CSMD1: variants seen among roughly 807,000 people sequenced by gnomAD.
CSMD1 encodes CUB and sushi domain-containing protein 1.
A neutral mutation model predicts 417.5 loss-of-function variants in CSMD1; 213 were observed. The observed-to-expected ratio is 0.51, with a 90% confidence interval of 0.46 to 0.57. CSMD1 has a LOEUF of 0.57. CSMD1 is among the 20% of genes least tolerant of loss of function. CSMD1 has a pLI of 0.00. For synonymous variants in CSMD1, 2,862 were observed against 1,736.8 expected (o/e 1.65, Z -16.11); for missense variants, 6,923 against 4,529.7 (o/e 1.53, Z -15.17).
chr8:4,994,597 G>C lies in CSMD1; in HGVS notation c.-181C>G. ...GCGCCCGGCTCGCTTCCCTCTCATA[G>C]CATCGGGTCCCGAGCCACTGCAGGG... On this transcript the variant is annotated 5_prime_UTR_variant, in exon 1 of 70. Transcript: ENST00000635120. 1.6e-6 allele frequency: 1 copy of C among 610,584 alleles called. No homozygotes were observed. 37.8% of individuals were successfully genotyped at this position (610,584 alleles called of 1,614,324 possible).
chr8:3,691,830 TGAAA>T (rs1353130293), intron 7 of CSMD1, among the ~76,000 whole-genome samples: 1 of 152,218 alleles, frequency 6.6e-6, no homozygotes, highest in Non-Finnish European at 1.5e-5. Flanking sequence ...AAAAATATGA[TGAAA>T]GAGAGTCTGT....
chr8:3,048,447 G>A (rs985843516), intron 50 of CSMD1, among the ~76,000 whole-genome samples: 1 of 152,104 alleles, frequency 6.6e-6, no homozygotes, highest in African/African-American at 2.4e-5. Flanking sequence ...TCTAGTCAAT[G>A]AACTTCGAGC....
At chr8:3,874,376 G>C (rs1220247187) in intron 5 of CSMD1, among the ~76,000 whole-genome samples, 2 of 152,318 alleles carry the variant, frequency 1.3e-5, no homozygotes, top group Admixed American at 1.3e-4. Context: ...ACTCTTTAAA[G>C]ACGTACTTTT....
At chr8:4,979,578 T>G (rs1810762326) in intron 1 of CSMD1, among the ~76,000 whole-genome samples, 1 of 152,222 alleles carries the variant, frequency 6.6e-6, no homozygotes, top group Non-Finnish European at 1.5e-5. Flanking sequence ...ATTTTTTCCT[T>G]CAATGTATTT....
In CSMD1 at chr8:4,932,817, G is replaced by T. The variant is rs531807929; in HGVS notation, c.85+61515C>A. On this transcript the variant is annotated intron_variant, in intron 1 of 69. Transcript: ENST00000635120. ...CAATAGAGTTTTACCCCTTCCCTGT[G>T]CTCCCTGGTTCAAATTTTCAACTAC... 1.4e-4 allele frequency among the ~76,000 whole-genome samples: 21 copies of T among 152,244 alleles called. No homozygotes were observed. The South Asian group carries it at 4.4e-3, about 32-fold the overall frequency.
chr8:4,089,099 G>A (rs143919456), intron 3 of CSMD1, among the ~76,000 whole-genome samples: 1 of 152,308 alleles, frequency 6.6e-6, no homozygotes, highest in East Asian at 1.9e-4. Flanking sequence ...TAGGATTCAG[G>A]AAACTTAACA....
intron 3 of CSMD1, among the ~76,000 whole-genome samples, chr8:4,148,003 G>A (rs181252965): frequency 1.9e-3 from 295 of 152,150 alleles, no homozygotes; most frequent in Middle Eastern, 0.01. Context: ...TTAAAACCAC[G>A]GGTTCCATGA....
chr8:4,428,994 A>G (rs973992472), intron 2 of CSMD1, among the ~76,000 whole-genome samples: 3 of 152,082 alleles, frequency 2.0e-5, no homozygotes, highest in African/African-American at 4.8e-5. Flanking sequence ...GAATATAGGC[A>G]TAAGGCACTG....
At chr8:4,635,924 A>T (rs565736465) in intron 2 of CSMD1, among the ~76,000 whole-genome samples, 1 of 150,770 alleles carries the variant, frequency 6.6e-6, no homozygotes, top group East Asian at 1.9e-4. Flanking sequence ...CTAAAAACAG[A>T]TAATAGATAT....
intron 5 of CSMD1, among the ~76,000 whole-genome samples, chr8:3,795,057 T>A (rs1799969302): frequency 7.3e-6 from 1 of 136,654 alleles, no homozygotes; most frequent in Non-Finnish European, 1.5e-5. Context: ...CATGTATAGC[T>A]ATAGATATAT....
At chr8:4,137,062 TTC>T (rs1167240343) in intron 3 of CSMD1, among the ~76,000 whole-genome samples, 5 of 152,358 alleles carry the variant, frequency 3.3e-5, no homozygotes, top group African/African-American at 1.2e-4. Flanking sequence ...GGGCTCTAAC[TTC>T]CTTTGCTACT....
chr8:4,973,208 C>T (rs773311240), intron 1 of CSMD1, among the ~76,000 whole-genome samples: 9 of 152,026 alleles, frequency 5.9e-5, no homozygotes, highest in Non-Finnish European at 1.2e-4. Context: ...TTTGGTTCCT[C>T]TCATCATATT....
rs147627518 is a variant in CSMD1, at chr8:4,044,339, G to C, written c.416-12240C>G. ...ATGCAACACTTAAAAATAACACAAT[G>C]CAATTCTGTTTAGTATTTACTGATA... On this transcript the variant is annotated intron_variant, in intron 3 of 69. Coordinates refer to ENST00000635120, the MANE Select transcript of CSMD1 (RefSeq NM_033225.6). Among the ~76,000 whole-genome samples the C allele has an allele frequency of 1.3e-3, 198 of 152,238 alleles. 3 individuals carry two copies. Among genetic ancestry groups the C allele is most frequent in the African/African-American group, 4.6e-3 (192 of 41,534 alleles).
intron 1 of CSMD1, among the ~76,000 whole-genome samples, chr8:4,985,712 G>A (rs1015830432): frequency 6.6e-6 from 1 of 152,096 alleles, no homozygotes; most frequent in Non-Finnish European, 1.5e-5. Context: ...TAAGTATGGG[G>A]CATTACATTC....
chr8:4,803,529 G>C (rs1218313025), intron 1 of CSMD1, among the ~76,000 whole-genome samples: 1 of 152,096 alleles, frequency 6.6e-6, no homozygotes, highest in East Asian at 1.9e-4. Flanking sequence ...AACTACCAGA[G>C]ACAAATTTGA....
rs1806412502 is a variant in CSMD1, at chr8:3,884,384, C to T, written c.818+113519G>A. ...AGAACTGTTAGTGACATGGTGCTTG[C>T]CAAAAGTGGCATCTTCTAGCACAAA... On this transcript the variant is annotated intron_variant, in intron 5 of 69. Coordinates refer to ENST00000635120, the MANE Select transcript of CSMD1 (RefSeq NM_033225.6). 4.6e-5 allele frequency among the ~76,000 whole-genome samples: 7 copies of T among 152,184 alleles called. No individual in the cohort carries two copies. In the South Asian group the frequency reaches 1.2e-3, roughly 27 times the overall value.
At chr8:4,834,812 C>T (rs1252807219) in intron 1 of CSMD1, among the ~76,000 whole-genome samples, 5 of 151,338 alleles carry the variant, frequency 3.3e-5, no homozygotes, top group Non-Finnish European at 1.5e-5. Context: ...AAAAAATTAG[C>T]CGGGCGTGGT....
At chr8:4,765,715 G>C (rs1363298774) in intron 1 of CSMD1, among the ~76,000 whole-genome samples, 1 of 152,190 alleles carries the variant, frequency 6.6e-6, no homozygotes, top group African/African-American at 2.4e-5. Flanking sequence ...TGCCCAATTG[G>C]GCAGGCATCA....
rs17067682 is a variant in CSMD1 at position 3,822,901 on chromosome 8, C to T, written c.819-68859G>A. On this transcript the variant is annotated intron_variant, in intron 5 of 69. Transcript: ENST00000635120. ...TCTAAATGAGAACCAGAGTAACTCA[C>T]TGTGCAGAGCTAAGTAAAGACTGTT... is the stretch of plus-strand genomic sequence containing the variant. 1.1e-4 allele frequency among the ~76,000 whole-genome samples: 16 copies of T among 152,200 alleles called. No individual in the cohort carries two copies. The South Asian group carries it at 3.1e-3, about 30-fold the overall frequency.
Sources: gnomAD v4.1 joint callset for allele counts (sites outside exome capture counted in the v4.1 genomes callset) on GRCh38, gnomAD v4.1.1 for gene constraint, MANE v1.5 for transcripts, NCBI Gene and HGNC (gene_info 2026-07-23, HGNC 2026-07-21) for gene names.